NME7: variants seen among roughly 807,000 people sequenced by gnomAD.
The protein encoded by NME7 is NME/NM23 family member 7, also known as nucleoside diphosphate kinase 7.
A neutral mutation model predicts 49.1 loss-of-function variants in NME7; 41 were observed. The observed-to-expected ratio is 0.83, with a 90% CI of 0.65 to 1.08. The LOEUF (loss-of-function observed/expected upper bound fraction) is 1.08. Among genes scored for constraint, NME7 ranks in the 50% least tolerant of loss-of-function variants. NME7 has a pLI of 0.00. For synonymous variants in NME7, 139 were observed against 150.6 expected, an observed-to-expected ratio of 0.92 and a Z score of 0.56; for missense variants, 423 against 463.4, an observed-to-expected ratio of 0.91 and a Z score of 0.80.
At chr1:169,343,780 C>T (rs1652860538) in intron 1 of NME7, among the ~76,000 whole-genome samples, 1 of 152,166 alleles carries the variant, frequency 6.6e-6, no homozygotes, top group African/African-American at 2.4e-5. Flanking sequence ...TAGGCATGAG[C>T]CACTGCACTT....
At chr1:169,251,565 T>C (rs531743360) in intron 7 of NME7, among the ~76,000 whole-genome samples, 1 of 131,618 alleles carries the variant, frequency 7.6e-6, no homozygotes, top group East Asian at 3.5e-4. Context: ...TTTTTTCTTT[T>C]TTTTTTTATT....
chr1:169,294,852 T>C (rs1650645178), intron 6 of NME7, among the ~76,000 whole-genome samples: 1 of 152,208 alleles, frequency 6.6e-6, no homozygotes, highest in South Asian at 2.1e-4. Flanking sequence ...TGGATGTTTG[T>C]TCCTTCCAAA....
chr1:169,364,306 A>G (rs1447056436), intron 1 of NME7, among the ~76,000 whole-genome samples: 1 of 150,374 alleles, frequency 6.7e-6, no homozygotes, highest in East Asian at 2.0e-4. Context: ...TATACTACAT[A>G]AAATGGTGAC....
rs1651926222 is a variant in NME7, at chr1:169,323,303, T to A, written c.112-20A>T. 6.8e-7 allele frequency: 1 copy of A among 1,479,318 alleles called. No individual in the cohort carries two copies. Among genetic ancestry groups the A allele is most frequent in the Non-Finnish European group, 9.0e-7 (1 of 1,116,136 alleles). 91.6% of individuals were successfully genotyped at this position (1,479,318 alleles called of 1,614,324 possible). On this transcript the variant is annotated intron_variant, in intron 2 of 11. Transcript: ENST00000367811. The stretch of plus-strand genomic sequence containing the variant: ...ATCATGCTAGAACCAGACACAACAA[T>A]ATAACAAACAAACAAAAAAAGTTAT...
intron 11 of NME7, among the ~76,000 whole-genome samples, chr1:169,147,689 G>C (rs768631535): frequency 6.6e-6 from 1 of 152,190 alleles, no homozygotes; most frequent in Non-Finnish European, 1.5e-5. Flanking sequence ...ACTTCATCAA[G>C]AGCATGACTG....
At chr1:169,286,280 C>T (rs1650271778) in intron 7 of NME7, 2 of 152,008 alleles carry the variant, frequency 1.3e-5, no homozygotes, top group Non-Finnish European at 2.9e-5. Context: ...TATTTTTTTA[C>T]TTCATTTTTA....
At chr1:169,136,710 G>A (rs183551289) in intron 11 of NME7, among the ~76,000 whole-genome samples, 10 of 152,248 alleles carry the variant, frequency 6.6e-5, no homozygotes, top group Middle Eastern at 3.4e-3. Context: ...TTGAAGGCTC[G>A]TTCTGTCTTT....
intron 10 of NME7, among the ~76,000 whole-genome samples, chr1:169,198,126 G>A (rs913441161): frequency 3.9e-5 from 6 of 152,124 alleles, no homozygotes; most frequent in African/African-American, 1.4e-4. Context: ...CTAGTCAATA[G>A]GGAAATGCAA....
intron 3 of NME7, among the ~76,000 whole-genome samples, chr1:169,319,026 T>G (rs3766094): frequency 6.1e-5 from 8 of 131,496 alleles, no homozygotes; most frequent in Admixed American, 4.7e-4. Flanking sequence ...AAATTAAATT[T>G]AATTTAATTT....
chr1:169,225,329 G>C (rs1489289970), intron 10 of NME7, among the ~76,000 whole-genome samples: 1 of 152,150 alleles, frequency 6.6e-6, no homozygotes, highest in Non-Finnish European at 1.5e-5. Flanking sequence ...GGCTGATCTT[G>C]AACTCCTGAC....
At chr1:169,349,883 C>T (rs2101973656) in intron 1 of NME7, among the ~76,000 whole-genome samples, 1 of 152,204 alleles carries the variant, frequency 6.6e-6, no homozygotes, top group African/African-American at 2.4e-5. Context: ...TACTGAGGGA[C>T]TACAAGAGTG....
chr1:169,344,464 T>C (rs1390994842), intron 1 of NME7, among the ~76,000 whole-genome samples: 4 of 152,186 alleles, frequency 2.6e-5, no homozygotes, highest in Admixed American at 1.3e-4. Flanking sequence ...GTTCCCAATC[T>C]CAGGAAGAAA....
Position 169,367,723 on chromosome 1 carries a change from T to C in NME7, c.-13A>G. ...TGGCACTCACCATTGTCTCAGGATC[T>C]CAGCACTAGAAAATAGGTATCGTTG... On this transcript the variant is annotated 5_prime_UTR_variant, in exon 1 of 12. Transcript: ENST00000367811. The C allele has an allele frequency of 1.2e-6, 2 of 1,614,082 alleles. No individual in the cohort carries two copies. The highest frequency in any genetic ancestry group is 1.7e-6 in the Non-Finnish European group (2 of 1,179,984).
chr1:169,213,618 A>G (rs533407964), intron 10 of NME7, among the ~76,000 whole-genome samples: 141 of 152,212 alleles, frequency 9.3e-4, no homozygotes, highest in African/African-American at 3.2e-3. Context: ...CAGAATTATA[A>G]CCAACTAATC....
chr1:169,337,336 T>C (rs1007184826), intron 1 of NME7, among the ~76,000 whole-genome samples: 13 of 152,140 alleles, frequency 8.5e-5, no homozygotes, highest in Non-Finnish European at 2.9e-5. Flanking sequence ...AAGTCCCTCA[T>C]TGCCCAGGGC....
chr1:169,250,036 T>A (rs980248312), intron 7 of NME7, among the ~76,000 whole-genome samples: 1 of 152,130 alleles, frequency 6.6e-6, no homozygotes, highest in Admixed American at 6.6e-5. Flanking sequence ...TGGAATAGTT[T>A]CAGTAGGATT....
At chr1:169,354,564 GA>G (rs1265187187) in intron 1 of NME7, among the ~76,000 whole-genome samples, 1 of 150,950 alleles carries the variant, frequency 6.6e-6, no homozygotes, top group Admixed American at 6.6e-5. Flanking sequence ...AATACTTGAG[GA>G]AATGGATACC....
chr1:169,205,834 TC>T lies in NME7; in HGVS notation c.990+24883del, dbSNP rs146183736. 5.8e-3 allele frequency among the ~76,000 whole-genome samples: 880 copies of T among 152,288 alleles called. 42 individuals are homozygous for T. In the East Asian group the frequency reaches 0.12, roughly 20 times the overall value. Reference sequence around the variant, plus strand: ...AAGTATTTTCAGCAGCTTTCCACGCTCTATGTGATCTTCTTTCCCATCCTGT... The same window carrying T: ...AAGTATTTTCAGCAGCTTTCCACGCTTATGTGATCTTCTTTCCCATCCTGT... On this transcript the variant is annotated intron_variant, in intron 10 of 11. Coordinates refer to ENST00000367811, the MANE Select transcript of NME7 (RefSeq NM_013330.5).
chr1:169,205,970 C>A (rs1310067329), intron 10 of NME7, among the ~76,000 whole-genome samples: 1 of 152,088 alleles, frequency 6.6e-6, no homozygotes, highest in Non-Finnish European at 1.5e-5. Flanking sequence ...GTTCCTCCAG[C>A]CTGGATTGCT....
Sources: gnomAD v4.1 joint callset for allele counts (sites outside exome capture counted in the v4.1 genomes callset) on GRCh38, gnomAD v4.1.1 for gene constraint, MANE v1.5 for transcripts, NCBI Gene and HGNC (gene_info 2026-07-23, HGNC 2026-07-21) for gene names.